The following SLC67A2 variants were observed in gnomAD, a reference collection of about 807,000 sequenced individuals.
SLC67A2 encodes solute carrier family 67 member A2.
chr2:102,730,220 T>C, the SLC67A2 span, among the ~76,000 whole-genome samples: 1 of 152,180 alleles, frequency 6.6e-6, no homozygotes, highest in African/African-American at 2.4e-5. Context: ...TTCTTTTTTT[T>C]GATTTCTTAG....
At chr2:102,728,617 T>C in the SLC67A2 span, among the ~76,000 whole-genome samples, 1 of 152,174 alleles carries the variant, frequency 6.6e-6, no homozygotes, top group Non-Finnish European at 1.5e-5. Context: ...AAATTCCCCA[T>C]ACTCTTTTGA....
At chr2:102,736,719 T>C in the SLC67A2 span, 1 of 1,613,720 alleles carries the variant, frequency 6.2e-7, no homozygotes, top group South Asian at 1.1e-5. Flanking sequence ...AGCCTCCGCC[T>C]CGGTTCCTGT....
At chr2:102,718,998 A>C in the SLC67A2 span, 1 of 1,614,226 alleles carries the variant, frequency 6.2e-7, no homozygotes, top group East Asian at 2.2e-5. Flanking sequence ...CACATTTCGG[A>C]AAACAGCAGG....
At chr2:102,719,474 A>G in the SLC67A2 span, among the ~76,000 whole-genome samples, 5 of 152,204 alleles carry the variant, frequency 3.3e-5, no homozygotes, top group Admixed American at 2.0e-4. Flanking sequence ...TCAAAAGCCT[A>G]TGATAGTGTT....
the SLC67A2 span, among the ~76,000 whole-genome samples, chr2:102,715,469 G>C: frequency 1.3e-5 from 2 of 152,084 alleles, no homozygotes; most frequent in African/African-American, 4.8e-5. Flanking sequence ...CTCCCCAAGG[G>C]GCCATCCAGC....
the SLC67A2 span, chr2:102,731,020 C>G: frequency 6.2e-7 from 1 of 1,613,610 alleles, no homozygotes; most frequent in African/African-American, 1.3e-5. Flanking sequence ...GTGATCATAA[C>G]TTACCACCAA....
chr2:102,726,620 G>T, the SLC67A2 span, among the ~76,000 whole-genome samples: 1 of 151,784 alleles, frequency 6.6e-6, no homozygotes, highest in Non-Finnish European at 1.5e-5. Flanking sequence ...ACATGCTCGC[G>T]CACGCACACA....
the SLC67A2 span, among the ~76,000 whole-genome samples, chr2:102,730,612 G>C: frequency 6.7e-6 from 1 of 148,720 alleles, no homozygotes. Context: ...GTGCGATCTC[G>C]GCTCACTGCA....
At chr2:102,720,547 A>G in the SLC67A2 span, among the ~76,000 whole-genome samples, 486 of 151,778 alleles carry the variant, frequency 3.2e-3, 6 homozygotes, top group African/African-American at 0.011. Flanking sequence ...ATTAACAAAC[A>G]AGACAAGGTC....
the SLC67A2 span, chr2:102,716,624 C>A: frequency 4.6e-5 from 7 of 152,124 alleles, no homozygotes; most frequent in Admixed American, 6.5e-5. Context: ...TGATTTTACT[C>A]CATGACTTCT....
the SLC67A2 span, among the ~76,000 whole-genome samples, chr2:102,715,492 C>G: frequency 7.2e-5 from 11 of 152,090 alleles, no homozygotes; most frequent in African/African-American, 2.7e-4. Context: ...GAGTTTGGAG[C>G]CTTGCAGGTG....
chr2:102,723,674 C>T, the SLC67A2 span: 2 of 1,608,554 alleles, frequency 1.2e-6, no homozygotes, highest in Non-Finnish European at 1.7e-6. Flanking sequence ...ATACACAAAA[C>T]AATCTTCTCA....
the SLC67A2 span, chr2:102,736,398 G>T: frequency 5.0e-6 from 5 of 993,616 alleles, no homozygotes; most frequent in Non-Finnish European, 5.6e-6. Context: ...TTCTCAAAAG[G>T]CAGGGAAGGG....
the SLC67A2 span, among the ~76,000 whole-genome samples, chr2:102,724,122 C>T: frequency 6.6e-6 from 1 of 152,156 alleles, no homozygotes; most frequent in Non-Finnish European, 1.5e-5. Context: ...AATTAGACTC[C>T]TGGCCTAGCA....
the SLC67A2 span, among the ~76,000 whole-genome samples, chr2:102,734,794 C>T: frequency 1.3e-5 from 2 of 152,174 alleles, no homozygotes; most frequent in Admixed American, 1.3e-4. Flanking sequence ...CTAGATTAGA[C>T]TTGCCAAATA....
At chr2:102,726,744 G>A in the SLC67A2 span, 4 of 1,472,914 alleles carry the variant, frequency 2.7e-6, no homozygotes, top group Admixed American at 9.2e-5. Context: ...AGGATGTTGA[G>A]CAAGACCACA....
the SLC67A2 span, among the ~76,000 whole-genome samples, chr2:102,724,396 T>C: frequency 6.6e-6 from 1 of 151,942 alleles, no homozygotes; most frequent in Non-Finnish European, 1.5e-5. Flanking sequence ...AAGGAGTGAG[T>C]AGAAATTTGA....
the SLC67A2 span, among the ~76,000 whole-genome samples, chr2:102,730,545 A>AT: frequency 2.0e-3 from 288 of 144,938 alleles, no homozygotes; most frequent in South Asian, 4.9e-3. Flanking sequence ...TGGTAATAAC[A>AT]TTTTTTTTTT....
chr2:102,729,159 GCTTT>G, the SLC67A2 span, among the ~76,000 whole-genome samples: 5 of 152,056 alleles, frequency 3.3e-5, no homozygotes, highest in Non-Finnish European at 5.9e-5. Flanking sequence ...GTATCTTAAG[GCTTT>G]CTAAGAAAGG....
Sources: allele counts gnomAD v4.1 joint callset (sites outside exome capture counted in the v4.1 genomes callset), GRCh38; gene constraint gnomAD v4.1.1; transcripts MANE v1.5; gene names NCBI Gene and HGNC (gene_info 2026-07-23, HGNC 2026-07-21).